CLPTM1: variants seen among roughly 807,000 people sequenced by gnomAD.
CLPTM1 encodes the protein putative lipid scramblase CLPTM1.
In CLPTM1, 21 loss-of-function variants were observed where a neutral mutation model predicts 77.3. The ratio of observed to expected loss-of-function variants is 0.27; its 90% CI spans 0.19 to 0.39. The LOEUF (loss-of-function observed/expected upper bound fraction) is 0.39, where lower values mean the gene tolerates loss of function less well. Among genes scored for constraint, CLPTM1 ranks in the 10% least tolerant of loss-of-function variants. The probability of loss-of-function intolerance (pLI) is 1.00; values close to 1 mark genes in which losing one functional copy is unlikely to be tolerated. For missense variants in CLPTM1, 642 were observed against 921.2 expected (o/e 0.70, Z 3.92); for synonymous variants, 373 against 381.0 (o/e 0.98, Z 0.24).
At chr19:44,974,303 C>A in intron 3 of CLPTM1, 136 bp from the exon 4 acceptor site, 2 of 758,838 alleles carry the variant, frequency 2.6e-6, no homozygotes, top group South Asian at 2.3e-5. Flanking sequence ...CTCTCTGCTG[C>A]TCTTCCTCTC....
At chr19:44,975,202 G>T (rs1484049378) in intron 4 of CLPTM1, among the ~76,000 whole-genome samples, 1 of 152,192 alleles carries the variant, frequency 6.6e-6, no homozygotes, top group Non-Finnish European at 1.5e-5. Context: ...CTCAGGCTTG[G>T]TTAAGCACCC....
chr19:44,973,712 T>C (rs1185836139), intron 3 of CLPTM1, among the ~76,000 whole-genome samples: 4 of 150,658 alleles, frequency 2.7e-5, no homozygotes, highest in Admixed American at 2.7e-4. Context: ...TGAGCAAACA[T>C]GGCCATTGGG....
intron 5 of CLPTM1, among the ~76,000 whole-genome samples, chr19:44,983,231 G>C (rs1025636347): frequency 1.3e-5 from 2 of 152,144 alleles, no homozygotes; most frequent in Non-Finnish European, 2.9e-5. Flanking sequence ...CTGTTGGCCA[G>C]GTCTCTTTCC....
intron 1 of CLPTM1, among the ~76,000 whole-genome samples, chr19:44,957,526 A>G (rs1343242504): frequency 4.6e-5 from 7 of 152,276 alleles, no homozygotes; most frequent in Non-Finnish European, 1.0e-4. Context: ...CCAGGTAATC[A>G]GTGAAGACAT....
chr19:44,965,539 C>T (rs1452153832), intron 2 of CLPTM1, among the ~76,000 whole-genome samples: 4 of 142,056 alleles, frequency 2.8e-5, no homozygotes, highest in Non-Finnish European at 4.6e-5. Flanking sequence ...CATGGCTGGG[C>T]GCGGTGGCTC....
At position 44,992,144 on chromosome 19, in the gene CLPTM1, G is replaced by T; in HGVS notation, c.1556-89G>T. The T allele has an allele frequency of 7.2e-7, 1 of 1,388,710 alleles. No homozygotes were observed. The allele number at this position is 1,388,710 out of a possible 1,614,324, so 86.0% of individuals were successfully genotyped here. A position where few individuals can be genotyped will look rare whatever the true frequency, so the allele number is the denominator to read the frequency against. On this transcript the variant is annotated intron_variant, in intron 12 of 13. Coordinates refer to ENST00000337392, the MANE Select transcript of CLPTM1 (RefSeq NM_001294.4). The surrounding 1 kb of genome is among the most constrained non-coding windows in gnomAD (Gnocchi z 7.7). ...GGTAGAGTGTGCCCAGGTGTAGGAA[G>T]TGGTGAGGGGGCTGGTATGGCCAGT...
Position 44,990,550 on chromosome 19 carries a change from G to A in CLPTM1, c.1288G>A (p.Asp430Asn), listed in dbSNP as rs1971055583. ...CAGCGTCTTCATTGGGGTCCTCATC[G>A]ACCTCTGGAAGATCACCAAGGTCAT... Reference protein sequence around the residue: ...QVSVFIGVLIDLWKITKVMDV... With the variant: ...QVSVFIGVLINLWKITKVMDV... The change falls in exon 10 of 14, where the codon GAC (aspartate) becomes AAC (asparagine). Residue 430 changes from aspartate (D) to asparagine (N), a missense_variant. Around this residue, in one of 2 missense-constraint regions of CLPTM1, gnomAD observed 521 missense variants for 800.4 expected, o/e 0.65. Coordinates refer to ENST00000337392, the MANE Select transcript of CLPTM1 (RefSeq NM_001294.4). The surrounding 1 kb of genome is among the most constrained non-coding windows in gnomAD (Gnocchi z 4.8). The A allele has an allele frequency of 6.2e-7, 1 of 1,613,992 alleles. No individual in the cohort carries two copies.
rs983003258 is a variant in CLPTM1, at chr19:44,955,425, C to T, written c.30C>T (p.Ala10=). ...CGGCGGCGCAGGAGGCGGACGGGGC[C>T]CGCAGCGCCGTGGTGGCGGCCGGGG... MAAAQEADG[A]RSAVVAAGGG... Residue 10 remains alanine, a synonymous_variant, in exon 1 of 14, where the codon GCC becomes GCT. Transcript: ENST00000337392. The T allele has an allele frequency of 3.7e-5, 50 of 1,341,050 alleles. No individual in the cohort carries two copies. The African/African-American group carries it at 6.3e-4, about 17-fold the overall frequency. The allele number at this position is 1,341,050 out of a possible 1,614,324, so 83.1% of individuals were successfully genotyped here.
chr19:44,955,243 C>T, upstream of CLPTM1: 3 of 1,495,770 alleles, frequency 2.0e-6, no homozygotes, highest in Non-Finnish European at 2.7e-6. Flanking sequence ...CTTCCATAGC[C>T]GGAAGTGGCC....
chr19:44,981,076 C>T (rs1056416679), intron 5 of CLPTM1, among the ~76,000 whole-genome samples: 6 of 152,180 alleles, frequency 3.9e-5, no homozygotes, highest in Admixed American at 6.6e-5. Context: ...CTCCTGACCT[C>T]GTGATCCACC....
At position 44,992,748 on chromosome 19, in the gene CLPTM1, C is replaced by T. The variant is rs759726819; in HGVS notation, c.1861C>T (p.Leu621Phe). The stretch of plus-strand genomic sequence containing the variant: ...CGAGGTTCCCACAGCAGCAGGGGCC[C>T]TCACGCCCACACCTGCACCCACCAC... ...VAEVPTAAGA[L>F]TPTPAPTTTT... is the part of the protein sequence containing the mutation. Residue 621 changes from leucine to phenylalanine, a missense_variant, in exon 14 of 14, where the codon CTC becomes TTC. By Grantham distance (22) the Leu-to-Phe change is conservative (BLOSUM62 0). Coordinates refer to ENST00000337392, the MANE Select transcript of CLPTM1 (RefSeq NM_001294.4). The surrounding 1 kb of genome is among the most constrained non-coding windows in gnomAD (Gnocchi z 7.7). 3 of 1,612,680 alleles carry T rather than the reference C, an allele frequency of 1.9e-6. No homozygotes were observed. In the South Asian group the frequency reaches 3.3e-5, roughly 18 times the overall value.
chr19:44,986,225 T>C (rs977235350), intron 6 of CLPTM1, among the ~76,000 whole-genome samples: 1 of 151,622 alleles, frequency 6.6e-6, no homozygotes, highest in Non-Finnish European at 1.5e-5. Context: ...AAGCTGTCCA[T>C]GGTGGCTCAC....
Position 44,992,537 on chromosome 19 carries a change from C to T in CLPTM1, c.1724-74C>T, listed in dbSNP as rs373691191. The T allele has an allele frequency of 4.2e-5, 67 of 1,597,598 alleles. No individual in the cohort carries two copies. Among genetic ancestry groups the T allele is most frequent in the Non-Finnish European group, 4.4e-5 (52 of 1,169,046 alleles). On this transcript the variant is annotated intron_variant, in intron 13 of 13. Coordinates refer to ENST00000337392, the MANE Select transcript of CLPTM1 (RefSeq NM_001294.4). The surrounding 1 kb of genome is among the most constrained non-coding windows in gnomAD (Gnocchi z 7.7). Reference sequence around the variant, plus strand: ...GGGGCTCGGCCCCGCCCTTGCATCACGCCCTCTCCACCCAGGCCCACCTGG... The same window carrying T: ...GGGGCTCGGCCCCGCCCTTGCATCATGCCCTCTCCACCCAGGCCCACCTGG...
intron 4 of CLPTM1, among the ~76,000 whole-genome samples, chr19:44,975,039 T>C (rs1970784453): frequency 7.7e-6 from 1 of 129,128 alleles, no homozygotes; most frequent in African/African-American, 2.9e-5. Context: ...TTATTCTCAT[T>C]TAACATGTGA....
At chr19:44,966,537 C>CG (rs1291753875) in intron 2 of CLPTM1, among the ~76,000 whole-genome samples, 1 of 152,050 alleles carries the variant, frequency 6.6e-6, no homozygotes, top group African/African-American at 2.4e-5. Context: ...AGTTAGGAGG[C>CG]GGGGGGCAGG....
rs554954680 is a variant in CLPTM1 at position 44,993,019 on chromosome 19, G to A, written c.*122G>A. The A allele has an allele frequency of 1.8e-5, 23 of 1,258,924 alleles. No individual in the cohort carries two copies. Among genetic ancestry groups the A allele is most frequent in the Non-Finnish European group, 2.2e-5 (20 of 890,764 alleles). The allele number at this position is 1,258,924 out of a possible 1,614,324, so 78.0% of individuals were successfully genotyped here. A position where few individuals can be genotyped will look rare whatever the true frequency, so the allele number is the denominator to read the frequency against. ...ATCAGGCCGGGGCGGTGGGAGGCCC[G>A]CCTCAGGTCAGGGCCCAGCGTGTGA... On this transcript the variant is annotated 3_prime_UTR_variant, in exon 14 of 14. Transcript: ENST00000337392.
rs765533100 is a variant in CLPTM1 at position 44,973,155 on chromosome 19, C to T, written c.254C>T (p.Pro85Leu). The change falls in exon 3 of 14, where the codon CCC becomes CTC. Residue 85 changes from proline to leucine, a missense_variant. Pro to Leu is a moderately conservative substitution (Grantham distance 98). Around this residue, in one of 2 missense-constraint regions of CLPTM1, gnomAD observed 521 missense variants for 800.4 expected, o/e 0.65. Transcript: ENST00000337392. Reference sequence around the variant, plus strand: ...CCGGCCCCTCAGGACCAGGCGGGCCCCGGAGGAGCTCCACGCGTCGCCAGC... The same window carrying T: ...CCGGCCCCTCAGGACCAGGCGGGCCTCGGAGGAGCTCCACGCGTCGCCAGC... ...RGPAPQDQAG[P>L]GGAPRVASRN... 1.2e-6 allele frequency: 2 copies of T among 1,614,040 alleles called. No homozygotes were observed. The highest frequency in any genetic ancestry group is 4.5e-5 in the East Asian group (2 of 44,872).
chr19:44,973,001 A>G (rs1169700668), intron 2 of CLPTM1, 86 bp from the exon 3 acceptor site: 1 of 1,555,506 alleles, frequency 6.4e-7, no homozygotes, highest in African/African-American at 1.4e-5. Flanking sequence ...AGGCGCCAGC[A>G]TGTGCTAAGT....
At position 44,962,025 on chromosome 19, in the gene CLPTM1, G is replaced by A. The variant is rs11541462; in HGVS notation, c.135G>A (p.Pro45=). ...CGGAGACCCAGCCTCAGAACCCACC[G>A]GCCCAGCCGGCACCCAATGCCTGGC... ...PPAETQPQNP[P]AQPAPNAWQV... The change falls in exon 2 of 14, where the codon CCG becomes CCA. Residue 45 remains proline, a synonymous_variant. Transcript: ENST00000337392. The A allele has an allele frequency of 5.2e-4, 831 of 1,611,266 alleles. 5 individuals carry two copies. The African/African-American group carries it at 9.7e-3, about 19-fold the overall frequency.
Sources: allele counts gnomAD v4.1 joint callset (sites outside exome capture counted in the v4.1 genomes callset), GRCh38; gene constraint gnomAD v4.1.1; regional missense constraint gnomAD v4.1.1; non-coding constraint Gnocchi (gnomAD v3.1); transcripts MANE v1.5; gene names NCBI Gene and HGNC (gene_info 2026-07-23, HGNC 2026-07-21).